COL25A1: variants seen among roughly 807,000 people sequenced by gnomAD.
COL25A1 encodes collagen alpha-1(XXV) chain.
A neutral mutation model predicts 128.4 loss-of-function variants in COL25A1; 103 were observed. The observed-to-expected ratio is 0.80, with a 90% CI of 0.68 to 0.94. COL25A1 has a LOEUF of 0.94. Ranked by LOEUF, COL25A1 falls within the 40% of genes least tolerant of loss-of-function variation. The probability of loss-of-function intolerance (pLI) is 0.00; values close to 1 mark genes in which losing one functional copy is unlikely to be tolerated. For synonymous variants in COL25A1, 279 were observed against 277.2 expected (o/e 1.01, Z -0.06); for missense variants, 745 against 840.0 (o/e 0.89, Z 1.40).
chr4:108,972,130 C>T (rs568657806), intron 8 of COL25A1, among the ~76,000 whole-genome samples: 1 of 152,064 alleles, frequency 6.6e-6, no homozygotes, highest in African/African-American at 2.4e-5. Flanking sequence ...GGAAATTCAC[C>T]TGACAAAGAG....
chr4:108,833,890 C>A (rs1050175142), intron 31 of COL25A1, among the ~76,000 whole-genome samples: 1 of 152,086 alleles, frequency 6.6e-6, no homozygotes, highest in Non-Finnish European at 1.5e-5. Flanking sequence ...TTTCTATGAA[C>A]AGAAATTGAA....
At chr4:109,084,365 A>G (rs1184196267) in intron 3 of COL25A1, among the ~76,000 whole-genome samples, 3 of 152,196 alleles carry the variant, frequency 2.0e-5, no homozygotes, top group Non-Finnish European at 1.5e-5. Context: ...CTATTCTCAC[A>G]GTGTTGAAGT....
chr4:108,858,048 A>C lies in COL25A1; in HGVS notation c.1320+1608T>G, dbSNP rs1736726863. Among the ~76,000 whole-genome samples, 2 of 152,126 alleles carry C rather than the reference A, an allele frequency of 1.3e-5. 1 individual carries two copies. The highest frequency in any genetic ancestry group is 4.1e-4 in the South Asian group (2 of 4,824). On this transcript the variant is annotated intron_variant, in intron 24 of 37. Coordinates refer to ENST00000399132, the MANE Select transcript of COL25A1 (RefSeq NM_198721.4). The stretch of plus-strand genomic sequence containing the variant: ...AGGAAGAATGGGATGAACACATGCA[A>C]AAAGGAGGAGACTTGTATGGATATG...
intron 5 of COL25A1, among the ~76,000 whole-genome samples, chr4:109,039,896 C>T (rs1050925300): frequency 2.6e-5 from 4 of 151,806 alleles, no homozygotes; most frequent in African/African-American, 9.7e-5. Flanking sequence ...ACAGAAATAC[C>T]TTCCTTCAAA....
chr4:108,860,523 C>T (rs1172372737), intron 23 of COL25A1, among the ~76,000 whole-genome samples: 1 of 152,022 alleles, frequency 6.6e-6, no homozygotes, highest in East Asian at 1.9e-4. Context: ...AGACTTCTAC[C>T]CTGCTTATTA....
intron 37 of COL25A1, among the ~76,000 whole-genome samples, chr4:108,815,753 A>G (rs1731190942): frequency 6.6e-6 from 1 of 152,130 alleles, no homozygotes; most frequent in African/African-American, 2.4e-5. Flanking sequence ...CATTTCATGA[A>G]CCAAAAAGAT....
At chr4:108,841,748 T>C in intron 30 of COL25A1, 27 bp from the exon 31 acceptor site, 3 of 1,588,750 alleles carry the variant, frequency 1.9e-6, no homozygotes, top group Non-Finnish European at 1.7e-6. Context: ...GAGCTTTTAA[T>C]TAAGAATTGA....
chr4:108,997,585 A>G (rs977293204), intron 6 of COL25A1, among the ~76,000 whole-genome samples: 2 of 152,224 alleles, frequency 1.3e-5, no homozygotes, highest in Non-Finnish European at 2.9e-5. Context: ...AACTATTTCA[A>G]TCAATAGAAA....
intron 3 of COL25A1, among the ~76,000 whole-genome samples, chr4:109,163,474 A>T (rs1202020070): frequency 6.6e-6 from 1 of 152,236 alleles, no homozygotes; most frequent in Non-Finnish European, 1.5e-5. Flanking sequence ...AGGACAAAAG[A>T]GAGGTAGGTT....
chr4:109,100,475 G>A (rs1237532692), intron 3 of COL25A1, among the ~76,000 whole-genome samples: 3 of 150,840 alleles, frequency 2.0e-5, no homozygotes, highest in African/African-American at 7.3e-5. Flanking sequence ...TAGGTCTCAC[G>A]CTGTCTGTGG....
chr4:109,051,694 T>A (rs747220097), intron 3 of COL25A1, among the ~76,000 whole-genome samples: 56 of 151,950 alleles, frequency 3.7e-4, no homozygotes, highest in Non-Finnish European at 6.2e-4. Context: ...AAGAATTATA[T>A]TTTTTCTAGT....
At chr4:108,824,755 A>G (rs1732170070) in intron 34 of COL25A1, among the ~76,000 whole-genome samples, 2 of 152,172 alleles carry the variant, frequency 1.3e-5, no homozygotes, top group Non-Finnish European at 2.9e-5. Context: ...GACATTCTCT[A>G]TTTTCACAGA....
chr4:108,897,855 A>C (rs1275158271), intron 15 of COL25A1, among the ~76,000 whole-genome samples: 1 of 152,194 alleles, frequency 6.6e-6, no homozygotes, highest in Non-Finnish European at 1.5e-5. Context: ...GCATGAAGTT[A>C]GTCTGCCTGG....
At chr4:109,218,592 T>C (rs1305543586) in intron 3 of COL25A1, among the ~76,000 whole-genome samples, 2 of 151,890 alleles carry the variant, frequency 1.3e-5, no homozygotes, top group Non-Finnish European at 2.9e-5. Context: ...ACCACGAGTC[T>C]CCTAACTTTA....
chr4:109,218,406 C>G (rs1021169057), intron 3 of COL25A1, among the ~76,000 whole-genome samples: 3 of 83,834 alleles, frequency 3.6e-5, no homozygotes, highest in African/African-American at 1.5e-4. Flanking sequence ...ACTTACTCTC[C>G]ATGGCAGCTT....
intron 14 of COL25A1, among the ~76,000 whole-genome samples, chr4:108,899,817 T>A (rs1742606524): frequency 6.6e-6 from 1 of 152,046 alleles, no homozygotes; most frequent in Non-Finnish European, 1.5e-5. Flanking sequence ...AGGAATGATG[T>A]CCTTATTCAA....
At chr4:108,983,558 T>C (rs1471205657) in intron 6 of COL25A1, among the ~76,000 whole-genome samples, 2 of 152,216 alleles carry the variant, frequency 1.3e-5, no homozygotes, top group Non-Finnish European at 2.9e-5. Flanking sequence ...ATTGGTGGGT[T>C]CTTGGTCTCA....
At chr4:109,019,367 CACACACACATATATATAT>C (rs1380345381) in intron 5 of COL25A1, among the ~76,000 whole-genome samples, 44 of 110,690 alleles carry the variant, frequency 4.0e-4, no homozygotes, top group African/African-American at 8.0e-4. Context: ...CACACACACA[CACACACACATATATATAT>C]ATATATATAT....
intron 6 of COL25A1, among the ~76,000 whole-genome samples, chr4:108,983,581 A>C (rs1183854736): frequency 6.6e-6 from 1 of 152,196 alleles, no homozygotes; most frequent in Non-Finnish European, 1.5e-5. Flanking sequence ...GACTTCAAGA[A>C]TGAAGCCGCG....
Sources: allele counts gnomAD v4.1 joint callset (sites outside exome capture counted in the v4.1 genomes callset), GRCh38; gene constraint gnomAD v4.1.1; transcripts MANE v1.5; gene names NCBI Gene and HGNC (gene_info 2026-07-23, HGNC 2026-07-21).